NRXN3: variants seen among roughly 807,000 people sequenced by gnomAD.
NRXN3 encodes the protein neurexin 3, also known as neurexin III.
NRXN3 carries 32 observed loss-of-function variants against 137.6 expected under a neutral mutation model. The observed-to-expected ratio is 0.23, with a 90% CI of 0.18 to 0.31. The LOEUF is 0.31. Among genes scored for constraint, NRXN3 ranks in the 10% least tolerant of loss-of-function variants. The pLI is 1.00. For missense variants in NRXN3, 1,574 were observed against 2,062.5 expected, an observed-to-expected ratio of 0.76 and a Z score of 4.59; for synonymous variants, 798 against 784.5, an observed-to-expected ratio of 1.02 and a Z score of -0.29.
At chr14:78,889,503 T>G (rs548688483) in intron 10 of NRXN3, among the ~76,000 whole-genome samples, 1 of 152,180 alleles carries the variant, frequency 6.6e-6, no homozygotes, top group South Asian at 2.1e-4. Context: ...ATTTTGGGAA[T>G]GGCTACCTCT....
chr14:78,231,795 G>A (rs759263511), intron 1 of NRXN3, among the ~76,000 whole-genome samples: 57 of 152,228 alleles, frequency 3.7e-4, no homozygotes, highest in Middle Eastern at 3.2e-3. Context: ...TTGGCATAGC[G>A]CGTTGCCCAG....
chr14:78,930,682 A>G (rs1295494344), intron 10 of NRXN3, among the ~76,000 whole-genome samples: 3 of 152,180 alleles, frequency 2.0e-5, no homozygotes, highest in African/African-American at 4.8e-5. Flanking sequence ...AACTCAAAGA[A>G]TGTATGTCAA....
At chr14:78,368,962 C>T (rs1267112515) in intron 4 of NRXN3, among the ~76,000 whole-genome samples, 1 of 152,182 alleles carries the variant, frequency 6.6e-6, no homozygotes, top group Admixed American at 6.5e-5. Flanking sequence ...CCTAGGGTTA[C>T]TCACTGGTCT....
At chr14:79,060,809 G>A (rs1469950129) in intron 15 of NRXN3, among the ~76,000 whole-genome samples, 2 of 151,752 alleles carry the variant, frequency 1.3e-5, no homozygotes, top group East Asian at 1.9e-4. Flanking sequence ...AACCTTGCCT[G>A]TGTCTCTATG....
chr14:79,462,572 C>T (rs2096361073), intron 15 of NRXN3, among the ~76,000 whole-genome samples: 1 of 150,222 alleles, frequency 6.7e-6, no homozygotes, highest in African/African-American at 2.4e-5. Context: ...TCCTCATTCT[C>T]TTAAAGAAAC....
rs115015970 is a variant in NRXN3 at position 79,170,232 on chromosome 14, G to A, written c.3262+182091G>A. The stretch of plus-strand genomic sequence containing the variant: ...GGTAAGACCTTTATTCTGCATTCTA[G>A]GAGTCTGTAACATAGCTGAGGAGAA... On this transcript the variant is annotated intron_variant, in intron 15 of 20. Coordinates refer to ENST00000335750, the MANE Select transcript of NRXN3 (RefSeq NM_001330195.2). 8.0e-3 allele frequency among the ~76,000 whole-genome samples: 1,218 copies of A among 152,198 alleles called. 17 individuals are homozygous for A. Among genetic ancestry groups the A allele is most frequent in the African/African-American group, 0.028 (1,162 of 41,528 alleles).
intron 4 of NRXN3, among the ~76,000 whole-genome samples, chr14:78,544,696 C>T (rs958717597): frequency 6.6e-6 from 1 of 152,170 alleles, no homozygotes; most frequent in African/African-American, 2.4e-5. Context: ...TTCACATCAT[C>T]CAGCTCTCTG....
chr14:78,955,049 T>A (rs1216343698), intron 10 of NRXN3, among the ~76,000 whole-genome samples: 1 of 152,176 alleles, frequency 6.6e-6, no homozygotes, highest in Non-Finnish European at 1.5e-5. Context: ...ATCATAAAAA[T>A]TAAGCGATGT....
intron 20 of NRXN3, among the ~76,000 whole-genome samples, chr14:79,832,250 A>G (rs1429823369): frequency 6.6e-6 from 1 of 152,134 alleles, no homozygotes; most frequent in African/African-American, 2.4e-5. Context: ...GACTGTTACT[A>G]CTTCCCTTTT....
At chr14:79,784,134 C>T (rs1370344031) in intron 19 of NRXN3, among the ~76,000 whole-genome samples, 1 of 152,112 alleles carries the variant, frequency 6.6e-6, no homozygotes, top group East Asian at 1.9e-4. Context: ...TTAGTTTATG[C>T]ATATTAAATA....
chr14:79,368,270 CAATT>C (rs1566930564), intron 15 of NRXN3, among the ~76,000 whole-genome samples: 2 of 152,138 alleles, frequency 1.3e-5, no homozygotes, highest in African/African-American at 4.8e-5. Flanking sequence ...GTTGTAAAAA[CAATT>C]AAGAGGATTG....
chr14:79,353,032 G>A (rs2093280556), intron 15 of NRXN3, among the ~76,000 whole-genome samples: 1 of 152,074 alleles, frequency 6.6e-6, no homozygotes, highest in Admixed American at 6.6e-5. Context: ...TAATTGAAAG[G>A]ATGCATGTAA....
chr14:78,313,678 A>G (rs886629508), intron 4 of NRXN3, among the ~76,000 whole-genome samples: 1 of 152,100 alleles, frequency 6.6e-6, no homozygotes, highest in Non-Finnish European at 1.5e-5. Context: ...TATATACGAT[A>G]CCATCATTTC....
At chr14:78,285,812 T>C (rs894437523) in intron 3 of NRXN3, among the ~76,000 whole-genome samples, 3 of 152,152 alleles carry the variant, frequency 2.0e-5, no homozygotes, top group Non-Finnish European at 4.4e-5. Flanking sequence ...CTTGGCTCAG[T>C]GGGAGATGGA....
At chr14:79,601,351 T>C (rs916631464) in intron 16 of NRXN3, among the ~76,000 whole-genome samples, 3 of 152,092 alleles carry the variant, frequency 2.0e-5, no homozygotes, top group African/African-American at 7.2e-5. Context: ...TGTTGCCTTG[T>C]TTCTGATGGG....
intron 6 of NRXN3, among the ~76,000 whole-genome samples, chr14:78,668,843 A>G (rs1481719143): frequency 1.3e-5 from 2 of 152,158 alleles, no homozygotes; most frequent in African/African-American, 4.8e-5. Flanking sequence ...AATTGGCCCC[A>G]GAGGGTTAGT....
chr14:78,195,274 C>T (rs2061124007), intron 1 of NRXN3, among the ~76,000 whole-genome samples: 2 of 152,132 alleles, frequency 1.3e-5, no homozygotes, highest in African/African-American at 4.8e-5. Flanking sequence ...CACAGTGACC[C>T]TGGAGGGTGT....
intron 16 of NRXN3, among the ~76,000 whole-genome samples, chr14:79,553,556 C>G (rs1035240815): frequency 3.3e-5 from 5 of 152,134 alleles, no homozygotes; most frequent in African/African-American, 1.2e-4. Flanking sequence ...CATGCACGCA[C>G]TCATTTGGTA....
chr14:78,258,479 TG>T (rs2070078196), intron 2 of NRXN3, among the ~76,000 whole-genome samples: 1 of 151,934 alleles, frequency 6.6e-6, no homozygotes, highest in Admixed American at 6.5e-5. Context: ...GGGTGGTTGT[TG>T]TGGTGGGAAA....
Sources: allele counts gnomAD v4.1 joint callset (sites outside exome capture counted in the v4.1 genomes callset), GRCh38; gene constraint gnomAD v4.1.1; transcripts MANE v1.5; gene names NCBI Gene and HGNC (gene_info 2026-07-23, HGNC 2026-07-21).